SI: variants seen among roughly 807,000 people sequenced by gnomAD.
SI encodes the protein sucrase-isomaltase, intestinal.
A neutral mutation model predicts 253.3 loss-of-function variants in SI; 235 were observed. The ratio of observed to expected loss-of-function variants is 0.93; its 90% CI spans 0.83 to 1.03. The LOEUF (loss-of-function observed/expected upper bound fraction) is 1.03. SI is among the 50% of genes least tolerant of loss of function. The pLI is 0.00. For synonymous variants in SI, 819 were observed against 712.0 expected, an observed-to-expected ratio of 1.15 and a Z score of -2.39; for missense variants, 2,442 against 2,211.1, an observed-to-expected ratio of 1.10 and a Z score of -2.09.
chr3:165,036,484 A>C lies in SI; in HGVS notation c.2427-7T>G. The C allele has an allele frequency of 2.5e-6, 4 of 1,598,382 alleles. No individual in the cohort carries two copies. The highest frequency in any genetic ancestry group is 3.4e-6 in the Non-Finnish European group (4 of 1,166,686). On this transcript the variant is annotated splice_region_variant and splice_polypyrimidine_tract_variant and intron_variant, in intron 21 of 47. Transcript: ENST00000264382. ...TCCTAGAGGATTCTTACGGCTGTTAAGAAAAATTAGGTGCATATATGGTTA... is the reference window on the plus strand; with the variant it reads ...TCCTAGAGGATTCTTACGGCTGTTACGAAAAATTAGGTGCATATATGGTTA...
At chr3:165,062,701 T>A (rs1054673047) in intron 8 of SI, among the ~76,000 whole-genome samples, 1 of 152,062 alleles carries the variant, frequency 6.6e-6, no homozygotes, top group Non-Finnish European at 1.5e-5. Context: ...GCTATTTTCT[T>A]TCACAGGTGG....
At chr3:165,001,592 A>G (rs1257952027) in intron 37 of SI, among the ~76,000 whole-genome samples, 3 of 151,532 alleles carry the variant, frequency 2.0e-5, no homozygotes, top group East Asian at 3.9e-4. Flanking sequence ...TTATAGATTC[A>G]TATCTCAAAT....
chr3:165,049,379 C>T (rs1576909360), intron 14 of SI, 135 bp from the exon 15 acceptor site: 1 of 649,358 alleles, frequency 1.5e-6, no homozygotes, highest in East Asian at 2.7e-5. Flanking sequence ...TGACAAAGGA[C>T]AATCCAATTA....
intron 21 of SI, 46 bp downstream of exon 21, chr3:165,037,854 G>T: frequency 7.7e-7 from 1 of 1,303,846 alleles, no homozygotes; most frequent in Non-Finnish European, 1.1e-6. Flanking sequence ...GAAATATTAA[G>T]ATTTGAATTT....
At chr3:165,055,771 T>C (rs1415819439) in intron 12 of SI, among the ~76,000 whole-genome samples, 1 of 152,166 alleles carries the variant, frequency 6.6e-6, no homozygotes, top group African/African-American at 2.4e-5. Flanking sequence ...CTATTTCAAG[T>C]ACTTTCATAA....
At chr3:165,010,408 G>A (rs1718716793) in intron 34 of SI, among the ~76,000 whole-genome samples, 1 of 152,076 alleles carries the variant, frequency 6.6e-6, no homozygotes, top group South Asian at 2.1e-4. Context: ...TGATCCACAC[G>A]CCTCGGCCTC....
In SI at chr3:165,067,322, G is replaced by A; in HGVS notation, c.635+18C>T. The A allele has an allele frequency of 6.4e-7, 1 of 1,553,754 alleles. No individual in the cohort carries two copies. Among genetic ancestry groups the A allele is most frequent in the South Asian group, 1.1e-5 (1 of 87,656 alleles). ...AATAATAGAATAAACTTATATAATT[G>A]TAAAATAATACACTTACAAAGTTTT... On this transcript the variant is annotated intron_variant, in intron 6 of 47. Transcript: ENST00000264382.
chr3:165,058,174 G>A (rs1323174034), intron 12 of SI, among the ~76,000 whole-genome samples: 1 of 151,734 alleles, frequency 6.6e-6, no homozygotes, highest in Non-Finnish European at 1.5e-5. Context: ...TGAACAATAT[G>A]CTCCTGAATG....
intron 17 of SI, among the ~76,000 whole-genome samples, chr3:165,041,313 C>A (rs1487457852): frequency 6.6e-6 from 1 of 152,016 alleles, no homozygotes; most frequent in African/African-American, 2.4e-5. Flanking sequence ...GACATTTCAA[C>A]ATATTTAAAG....
At chr3:165,008,294 C>T (rs745435462) in intron 35 of SI, among the ~76,000 whole-genome samples, 2 of 151,476 alleles carry the variant, frequency 1.3e-5, no homozygotes, top group Non-Finnish European at 3.0e-5. Context: ...TAATATGTGC[C>T]CTATCATCTC....
intron 5 of SI, among the ~76,000 whole-genome samples, chr3:165,068,409 T>G (rs1221225860): frequency 6.6e-6 from 1 of 152,152 alleles, no homozygotes; most frequent in Admixed American, 6.6e-5. Context: ...AGAGAGAAAA[T>G]GTATTTGTAG....
chr3:165,033,416 T>C lies in SI; in HGVS notation c.2544A>G (p.Leu848=). The part of the protein sequence containing the change: ...KDTIQNGNYI[L]YTFSVSNNTL... ...TTACATTAGAAACTGAAAATGTATA[T>C]AATATGTAGTTGCCATTTTGTATTG... Residue 848 remains leucine, a synonymous_variant, in exon 23 of 48, where the codon TTA becomes TTG. Transcript: ENST00000264382. 1 of 1,553,272 alleles carries C rather than the reference T, an allele frequency of 6.4e-7. No individual in the cohort carries two copies. Among genetic ancestry groups the C allele is most frequent in the East Asian group, 2.3e-5 (1 of 42,680 alleles).
chr3:165,049,346 A>T lies in SI; in HGVS notation c.1598-102T>A, dbSNP rs2108232472. 3.9e-6 allele frequency: 3 copies of T among 772,994 alleles called. No individual in the cohort carries two copies. In the South Asian group the frequency reaches 4.7e-5, roughly 12 times the overall value. 47.9% of individuals were successfully genotyped at this position (772,994 alleles called of 1,614,324 possible). A position where few individuals can be genotyped will look rare whatever the true frequency, so the allele number is the denominator to read the frequency against. On this transcript the variant is annotated intron_variant, in intron 14 of 47. Coordinates refer to ENST00000264382, the MANE Select transcript of SI (RefSeq NM_001041.4). Reference sequence around the variant, plus strand: ...TATTCCTTTTCATTTGTGTTATGAAATTCCATATTTGGTTAAAAACAATGA... The same window carrying T: ...TATTCCTTTTCATTTGTGTTATGAATTTCCATATTTGGTTAAAAACAATGA...
chr3:165,023,487 A>G, intron 26 of SI, 83 bp downstream of exon 26: 6 of 959,834 alleles, frequency 6.3e-6, no homozygotes, highest in Non-Finnish European at 6.7e-6. Flanking sequence ...CTTTAATATT[A>G]CATTAAATAT....
In SI at chr3:165,032,516, A is replaced by G. The variant is rs1712301242; in HGVS notation, c.2736+6T>C. ...TAGCTAAAATATTTTAAAAGATTGT[A>G]ATTACCTGGTTAGAAGCATCATAAG... On this transcript the variant is annotated splice_donor_region_variant and intron_variant, in intron 24 of 47. Coordinates refer to ENST00000264382, the MANE Select transcript of SI (RefSeq NM_001041.4). The G allele has an allele frequency of 1.3e-6, 2 of 1,579,746 alleles. No individual in the cohort carries two copies.
At chr3:165,058,904 T>G (rs1713837849) in intron 12 of SI, 59 bp downstream of exon 12, 34 of 1,272,008 alleles carry the variant, frequency 2.7e-5, no homozygotes, top group Non-Finnish European at 3.7e-5. Context: ...CCACAGAAAC[T>G]TTATTATTTC....
intron 24 of SI, among the ~76,000 whole-genome samples, chr3:165,032,167 TA>T (rs1433448285): frequency 4.0e-5 from 6 of 151,274 alleles, no homozygotes; most frequent in African/African-American, 7.3e-5. Context: ...CTAAAGCAGC[TA>T]AAACATTTGG....
At chr3:164,989,452 G>A (rs929638275) in intron 44 of SI, among the ~76,000 whole-genome samples, 7 of 146,206 alleles carry the variant, frequency 4.8e-5, no homozygotes, top group South Asian at 2.3e-4. Flanking sequence ...AAAGAAGAGA[G>A]GAGAGGAGAG....
intron 46 of SI, 63 bp downstream of exon 46, chr3:164,982,939 C>A: frequency 6.7e-7 from 1 of 1,491,832 alleles, no homozygotes; most frequent in African/African-American, 1.4e-5. Flanking sequence ...GCATGAGCCA[C>A]CCCACCCAGC....
Sources: gnomAD v4.1 joint callset for allele counts (sites outside exome capture counted in the v4.1 genomes callset) on GRCh38, gnomAD v4.1.1 for gene constraint, MANE v1.5 for transcripts, NCBI Gene and HGNC (gene_info 2026-07-23, HGNC 2026-07-21) for gene names.